Variants in HACE1 observed in about 807,000 individuals in gnomAD.
The protein encoded by HACE1 is HECT domain and ankyrin repeat containing E3 ubiquitin protein ligase 1, also known as E3 ubiquitin-protein ligase HACE1.
HACE1 carries 73 observed loss-of-function variants against 118.4 expected under a neutral mutation model. The ratio of observed to expected loss-of-function variants is 0.62; its 90% CI spans 0.51 to 0.75. The LOEUF is 0.75. Among genes scored for constraint, HACE1 ranks in the 30% least tolerant of loss-of-function variants. HACE1 has a pLI of 0.00. For synonymous variants in HACE1, 368 were observed against 374.8 expected (o/e 0.98, Z 0.21); for missense variants, 749 against 1,102.2 (o/e 0.68, Z 4.54).
intron 19 of HACE1, among the ~76,000 whole-genome samples, chr6:104,769,103 T>C (rs1780345811): frequency 6.6e-6 from 1 of 152,094 alleles, no homozygotes; most frequent in South Asian, 2.1e-4. Context: ...AATGTCATCT[T>C]GGCTCACTGT....
At chr6:104,792,593 A>T (rs1410620590) in intron 10 of HACE1, among the ~76,000 whole-genome samples, 2 of 152,314 alleles carry the variant, frequency 1.3e-5, no homozygotes, top group East Asian at 3.9e-4. Context: ...TGCGCAGAAC[A>T]GCAGGATTAA....
chr6:104,739,535 G>T (rs1266824847), intron 22 of HACE1, among the ~76,000 whole-genome samples: 1 of 151,850 alleles, frequency 6.6e-6, no homozygotes, highest in Non-Finnish European at 1.5e-5. Context: ...TGATAAAACA[G>T]ACTTTAAACC....
At position 104,859,727 on chromosome 6, in the gene HACE1, C is replaced by A. The variant is rs1349909013; in HGVS notation, c.-85G>T. On this transcript the variant is annotated 5_prime_UTR_variant, in exon 1 of 24. Coordinates refer to ENST00000262903, the MANE Select transcript of HACE1 (RefSeq NM_020771.4). Reference sequence around the variant, plus strand: ...CAGAGCCCTACATCTCGCCTGGGCCCGTCCAGCAGGCGGAGACGCGGGCTT... The same window carrying A: ...CAGAGCCCTACATCTCGCCTGGGCCAGTCCAGCAGGCGGAGACGCGGGCTT... 4.8e-6 allele frequency: 6 copies of A among 1,245,246 alleles called. No individual in the cohort carries two copies. The highest frequency in any genetic ancestry group is 5.6e-6 in the Non-Finnish European group (5 of 899,064). The allele number at this position is 1,245,246 out of a possible 1,614,324, so 77.1% of individuals were successfully genotyped here. A position where few individuals can be genotyped will look rare whatever the true frequency, so the allele number is the denominator to read the frequency against.
Position 104,777,290 on chromosome 6 carries a change from A to G in HACE1, c.1594T>C (p.Tyr532His). 6.2e-7 allele frequency: 1 copy of G among 1,612,788 alleles called. No homozygotes were observed. The highest frequency in any genetic ancestry group is 8.5e-7 in the Non-Finnish European group (1 of 1,178,720). The part of the protein sequence containing the change: ...QPFKDRCEWF[Y>H]EHLHSGQPDS... Reference sequence around the variant, plus strand: ...GGCTGTCCTGAATGCAAATGTTCATAGAACCATTCACAGCGATCTTTAAAA... The same window carrying G: ...GGCTGTCCTGAATGCAAATGTTCATGGAACCATTCACAGCGATCTTTAAAA... Residue 532 changes from tyrosine to histidine, a missense_variant, in exon 15 of 24, where the codon TAT (tyrosine) becomes CAT (histidine). Around this residue, in one of 5 missense-constraint regions of HACE1, gnomAD observed 195 missense variants for 322.1 expected, o/e 0.61. Transcript: ENST00000262903.
intron 6 of HACE1, among the ~76,000 whole-genome samples, chr6:104,829,111 T>C (rs568155154): frequency 1.2e-4 from 18 of 152,144 alleles, no homozygotes; most frequent in African/African-American, 4.3e-4. Context: ...GCTCCTAAGC[T>C]TAAAAATAAA....
chr6:104,760,460 T>C (rs1239952714), intron 19 of HACE1, among the ~76,000 whole-genome samples: 1 of 152,076 alleles, frequency 6.6e-6, no homozygotes, highest in Non-Finnish European at 1.5e-5. Flanking sequence ...ATTATCTCAA[T>C]AGATGCAAAA....
intron 5 of HACE1, among the ~76,000 whole-genome samples, chr6:104,835,716 T>G (rs1023542588): frequency 6.6e-6 from 1 of 152,152 alleles, no homozygotes; most frequent in African/African-American, 2.4e-5. Context: ...TCCAGGTTGA[T>G]AGGGTCTCAA....
chr6:104,788,431 C>T (rs988428922), intron 11 of HACE1, among the ~76,000 whole-genome samples: 13 of 151,976 alleles, frequency 8.6e-5, no homozygotes, highest in South Asian at 4.1e-4. Context: ...GCTTACTGAA[C>T]GATTTTTTAA....
intron 19 of HACE1, among the ~76,000 whole-genome samples, chr6:104,762,605 G>A (rs921893839): frequency 7.2e-5 from 11 of 152,048 alleles, no homozygotes; most frequent in Middle Eastern, 3.2e-3. Flanking sequence ...TGTAGCTGAC[G>A]GTTTCATGGG....
At chr6:104,771,512 C>A (rs1482541342) in intron 18 of HACE1, 123 bp from the exon 19 acceptor site, 1 of 648,730 alleles carries the variant, frequency 1.5e-6, no homozygotes, top group East Asian at 2.7e-5. Flanking sequence ...ATCCTACACA[C>A]AGCATATTTT....
rs1011958576 is a variant in HACE1 at position 104,828,797 on chromosome 6, T to C, written c.534+4245A>G. ...TCTTAGTTATGACAAAAATGAATCT[T>C]CTGAATCTTTTATCCTTAAAAAATG... On this transcript the variant is annotated intron_variant, in intron 6 of 23. Transcript: ENST00000262903. 1.3e-5 allele frequency among the ~76,000 whole-genome samples: 2 copies of C among 152,036 alleles called. 1 individual carries two copies. The highest frequency in any genetic ancestry group is 4.1e-4 in the South Asian group (2 of 4,834).
chr6:104,851,419 C>T (rs558793447), intron 2 of HACE1, among the ~76,000 whole-genome samples: 17 of 152,172 alleles, frequency 1.1e-4, no homozygotes, highest in Non-Finnish European at 2.4e-4. Flanking sequence ...TGTCCCACAC[C>T]CACCACAAAA....
In HACE1 at chr6:104,785,262, A is replaced by G. The variant is rs1032542085; in HGVS notation, c.1132T>C (p.Leu378=). 1.3e-5 allele frequency: 21 copies of G among 1,613,016 alleles called. No individual in the cohort carries two copies. The highest frequency in any genetic ancestry group is 6.7e-5 in the Admixed American group (4 of 59,960). Residue 378 remains leucine, a synonymous_variant, in exon 12 of 24, where the codon TTG becomes CTG. Transcript: ENST00000262903. ...GTTGAGTCTCTTTTGTTTTTCATCA[A>G]TTCTGTGGCTATTAAAACTAGCCAT... The part of the protein sequence containing the change: ...DEWLVLIATE[L]MKNKRDSTEI...
At chr6:104,771,435 C>A in intron 18 of HACE1, 46 bp from the exon 19 acceptor site, 1 of 1,269,552 alleles carries the variant, frequency 7.9e-7, no homozygotes, top group Non-Finnish European at 1.1e-6. Flanking sequence ...TTTTGCCTTC[C>A]CTTATCTATT....
intron 4 of HACE1, among the ~76,000 whole-genome samples, 175 bp from the exon 5 acceptor site, chr6:104,843,473 C>G (rs751364562): frequency 6.6e-6 from 1 of 152,160 alleles, no homozygotes; most frequent in Non-Finnish European, 1.5e-5. Context: ...ACGCAAGATA[C>G]AAAACTGCTT....
intron 19 of HACE1, among the ~76,000 whole-genome samples, chr6:104,765,619 T>C (rs1195612482): frequency 1.3e-5 from 2 of 152,298 alleles, no homozygotes; most frequent in African/African-American, 4.8e-5. Context: ...AAAATGAATA[T>C]CATGTCTCTT....
chr6:104,731,670 A>T (rs1278151969), intron 22 of HACE1: 3 of 152,112 alleles, frequency 2.0e-5, no homozygotes, highest in African/African-American at 7.2e-5. Context: ...CACTACAACG[A>T]AAATGAAGTT....
intron 20 of HACE1, among the ~76,000 whole-genome samples, chr6:104,744,918 G>C (rs1301865051): frequency 1.3e-5 from 2 of 152,098 alleles, no homozygotes; most frequent in Non-Finnish European, 2.9e-5. Context: ...AAAGTTTTAT[G>C]AACATTATCT....
At chr6:104,789,960 A>G (rs530008195) in intron 11 of HACE1, among the ~76,000 whole-genome samples, 1 of 152,140 alleles carries the variant, frequency 6.6e-6, no homozygotes, top group Non-Finnish European at 1.5e-5. Flanking sequence ...AAATTTTACA[A>G]AGACAGTAAG....
Sources: allele counts gnomAD v4.1 joint callset (sites outside exome capture counted in the v4.1 genomes callset), GRCh38; gene constraint gnomAD v4.1.1; regional missense constraint gnomAD v4.1.1; transcripts MANE v1.5; gene names NCBI Gene and HGNC (gene_info 2026-07-23, HGNC 2026-07-21).